The following EPHA3 variants were observed in gnomAD, a reference collection of about 807,000 sequenced individuals.
EPHA3 encodes the protein EPH receptor A3, also known as ephrin type-A receptor 3.
EPHA3 carries 42 observed loss-of-function variants against 107.1 expected under a neutral mutation model. That is an observed-to-expected ratio of 0.39 (90% CI 0.31 to 0.51). The LOEUF is 0.51. Ranked by LOEUF, EPHA3 falls within the 20% of genes least tolerant of loss-of-function variation. EPHA3 has a pLI of 0.78. For synonymous variants in EPHA3, 461 were observed against 424.8 expected, an observed-to-expected ratio of 1.09 and a Z score of -1.05; for missense variants, 1,183 against 1,211.2, an observed-to-expected ratio of 0.98 and a Z score of 0.35.
In EPHA3 at chr3:89,274,892, C is replaced by T. The variant is rs185695416; in HGVS notation, c.814+64372C>T. Among the ~76,000 whole-genome samples the T allele has an allele frequency of 2.0e-5, 3 of 152,126 alleles. No homozygotes were observed. The East Asian group carries it at 5.8e-4, about 29-fold the overall frequency. On this transcript the variant is annotated intron_variant, in intron 3 of 16. Coordinates refer to ENST00000336596, the MANE Select transcript of EPHA3 (RefSeq NM_005233.6). ...AATATAAGTGAAATTGTCATCTTTCCTGTCCATATGTATCAACAAATTTCA... is the reference window on the plus strand; with the variant it reads ...AATATAAGTGAAATTGTCATCTTTCTTGTCCATATGTATCAACAAATTTCA...
At chr3:89,218,760 C>G (rs1169007539) in intron 3 of EPHA3, among the ~76,000 whole-genome samples, 5 of 152,062 alleles carry the variant, frequency 3.3e-5, no homozygotes, top group African/African-American at 7.2e-5. Flanking sequence ...CAGAGAAATG[C>G]AAATCAAAAC....
At chr3:89,137,380 T>A (rs1303144290) in intron 2 of EPHA3, among the ~76,000 whole-genome samples, 1 of 151,942 alleles carries the variant, frequency 6.6e-6, no homozygotes, top group Non-Finnish European at 1.5e-5. Context: ...TTTATGAAAA[T>A]TTTTAATTAT....
Position 89,218,621 on chromosome 3 carries a change from G to T in EPHA3, c.814+8101G>T, listed in dbSNP as rs571727735. ...TACGTTTGCATGTGTCTTTATAGCA[G>T]CATGATTTATAATCCTTTGGGTATA... On this transcript the variant is annotated intron_variant, in intron 3 of 16. Transcript: ENST00000336596. 2.0e-5 allele frequency among the ~76,000 whole-genome samples: 3 copies of T among 152,180 alleles called. No individual in the cohort carries two copies. The East Asian group carries it at 5.8e-4, about 29-fold the overall frequency.
chr3:89,330,516 T>C (rs1446877803), intron 3 of EPHA3, among the ~76,000 whole-genome samples: 1 of 152,052 alleles, frequency 6.6e-6, no homozygotes, highest in Non-Finnish European at 1.5e-5. Context: ...TAGGATGATA[T>C]GAAATATTAA....
intron 2 of EPHA3, among the ~76,000 whole-genome samples, chr3:89,149,960 G>A (rs963444279): frequency 2.1e-4 from 32 of 151,794 alleles, no homozygotes; most frequent in Middle Eastern, 3.2e-3. Flanking sequence ...TAAAAGCACC[G>A]AAATATATTT....
intron 3 of EPHA3, among the ~76,000 whole-genome samples, chr3:89,286,119 CGTGTGTGTGTGTGTGTGTGTGT>C (rs373081017): frequency 7.3e-6 from 1 of 136,562 alleles, no homozygotes; most frequent in South Asian, 2.6e-4. Context: ...TCAATTTCTA[CGTGTGTGTGTGTGTGTGTGTGT>C]GTGTGTGTGT....
chr3:89,195,794 G>T (rs1705825034), intron 2 of EPHA3, among the ~76,000 whole-genome samples: 1 of 151,992 alleles, frequency 6.6e-6, no homozygotes, highest in Non-Finnish European at 1.5e-5. Context: ...TCCTCATCTA[G>T]CCCATCCTAA....
intron 3 of EPHA3, among the ~76,000 whole-genome samples, chr3:89,259,796 G>A (rs373487338): frequency 2.6e-5 from 4 of 152,022 alleles, no homozygotes; most frequent in Non-Finnish European, 2.9e-5. Context: ...TACCTAATCT[G>A]TTACTTTGTA....
intron 3 of EPHA3, among the ~76,000 whole-genome samples, chr3:89,279,326 G>A (rs888143072): frequency 5.9e-5 from 9 of 151,982 alleles, no homozygotes; most frequent in Non-Finnish European, 1.2e-4. Context: ...TCTAGAAAAA[G>A]TTAGAGAAAA....
At position 89,400,918 on chromosome 3, in the gene EPHA3, C is replaced by G. The variant is rs139215618; in HGVS notation, c.1594+1438C>G. On this transcript the variant is annotated intron_variant, in intron 7 of 16. Coordinates refer to ENST00000336596, the MANE Select transcript of EPHA3 (RefSeq NM_005233.6). ...TGCACACCCTTTAGAAATAGATTAC[C>G]CAGGAAAGGTCTGACAATGCTCAAC... Among the ~76,000 whole-genome samples, 3 of 152,106 alleles carry G rather than the reference C, an allele frequency of 2.0e-5. No homozygotes were observed. In the East Asian group the frequency reaches 5.8e-4, roughly 29 times the overall value.
chr3:89,315,665 C>A (rs1706880552), intron 3 of EPHA3, among the ~76,000 whole-genome samples: 1 of 149,968 alleles, frequency 6.7e-6, no homozygotes, highest in African/African-American at 2.4e-5. Context: ...CTCAGCTTAG[C>A]AGTTCTGAAA....
chr3:89,421,714 G>A (rs1358746194), intron 11 of EPHA3, among the ~76,000 whole-genome samples: 3 of 151,042 alleles, frequency 2.0e-5, no homozygotes, highest in African/African-American at 4.9e-5. Flanking sequence ...TCCTATAAAT[G>A]CATTTACTGG....
intron 5 of EPHA3, among the ~76,000 whole-genome samples, chr3:89,387,037 A>G (rs1005989739): frequency 6.6e-6 from 1 of 152,096 alleles, no homozygotes; most frequent in African/African-American, 2.4e-5. Flanking sequence ...GGCAGAAAGG[A>G]CTTGACTTGT....
chr3:89,421,220 C>T (rs1412122585), intron 11 of EPHA3, among the ~76,000 whole-genome samples: 4 of 151,192 alleles, frequency 2.6e-5, no homozygotes, highest in Admixed American at 6.6e-5. Context: ...AAAATATAAA[C>T]TCTCAAAGAG....
intron 3 of EPHA3, among the ~76,000 whole-genome samples, chr3:89,226,127 G>A (rs1048222929): frequency 6.6e-6 from 1 of 152,076 alleles, no homozygotes; most frequent in Non-Finnish European, 1.5e-5. Context: ...GCTTTAATCA[G>A]TATAAATGGT....
chr3:89,114,814 C>T (rs998259543), intron 1 of EPHA3, among the ~76,000 whole-genome samples: 3 of 152,204 alleles, frequency 2.0e-5, no homozygotes, highest in South Asian at 4.1e-4. Flanking sequence ...TGGGAGAGCA[C>T]GGCGTACTCC....
intron 3 of EPHA3, among the ~76,000 whole-genome samples, chr3:89,221,582 G>A (rs532998655): frequency 1.3e-5 from 2 of 152,088 alleles, no homozygotes; most frequent in East Asian, 1.9e-4. Flanking sequence ...TCTCAAATAC[G>A]AAAAGCCATA....
intron 7 of EPHA3, among the ~76,000 whole-genome samples, chr3:89,403,272 T>C (rs1417241645): frequency 1.3e-5 from 2 of 152,158 alleles, no homozygotes; most frequent in African/African-American, 4.8e-5. Context: ...ATACATCAAT[T>C]CCAGAATCCA....
chr3:89,456,800 A>G (rs1710106583), intron 15 of EPHA3, among the ~76,000 whole-genome samples: 1 of 152,284 alleles, frequency 6.6e-6, no homozygotes, highest in South Asian at 2.1e-4. Flanking sequence ...AAATCAGAGG[A>G]GATGTGAGGG....
Sources: gnomAD v4.1 joint callset for allele counts (sites outside exome capture counted in the v4.1 genomes callset) on GRCh38, gnomAD v4.1.1 for gene constraint, MANE v1.5 for transcripts, NCBI Gene and HGNC (gene_info 2026-07-23, HGNC 2026-07-21) for gene names.